Variants in IL1RAPL2 observed in about 807,000 individuals in gnomAD.
The protein encoded by IL1RAPL2 is interleukin 1 receptor accessory protein like 2, also known as X-linked interleukin-1 receptor accessory protein-like 2.
A neutral mutation model predicts 44.1 loss-of-function variants in IL1RAPL2; 3 were observed. That is an observed-to-expected ratio of 0.07 (90% confidence interval 0.03 to 0.18). The LOEUF is 0.18. Ranked by LOEUF, IL1RAPL2 falls within the 10% of genes least tolerant of loss-of-function variation. IL1RAPL2 has a pLI of 1.00. For synonymous variants in IL1RAPL2, 181 were observed against 178.8 expected, an observed-to-expected ratio of 1.01 and a Z score of -0.10; for missense variants, 391 against 496.4, an observed-to-expected ratio of 0.79 and a Z score of 2.02.
At chrX:105,152,121 A>G (rs911192713) in intron 2 of IL1RAPL2, among the ~76,000 whole-genome samples, 2 of 110,839 alleles carry the variant, frequency 1.8e-5, no homozygotes, top group African/African-American at 6.6e-5. Context: ...GTAACCAAAC[A>G]CCACCTGTAC....
chrX:105,039,524 G>C (rs956370340), intron 2 of IL1RAPL2, among the ~76,000 whole-genome samples: 3 of 111,661 alleles, frequency 2.7e-5, no homozygotes, highest in African/African-American at 9.7e-5. Flanking sequence ...GGTATTCCTT[G>C]ATCTTTTAAA....
intron 3 of IL1RAPL2, among the ~76,000 whole-genome samples, chrX:105,226,385 CTTTTTTTTT>C (rs35192051): frequency 1.9e-4 from 10 of 53,328 alleles, no homozygotes; most frequent in African/African-American, 6.7e-4. Flanking sequence ...TTTCTTTTCC[CTTTTTTTTT>C]TTTTTTTTTT....
intron 6 of IL1RAPL2, among the ~76,000 whole-genome samples, chrX:105,539,023 G>GA (rs750271513): frequency 2.7e-5 from 3 of 110,403 alleles, no homozygotes; most frequent in African/African-American, 6.6e-5. Context: ...GAACACTGCT[G>GA]AAAAAAAATC....
chrX:105,542,739 ATT>A (rs1009733174), intron 6 of IL1RAPL2, among the ~76,000 whole-genome samples: 42 of 84,136 alleles, frequency 5.0e-4, no homozygotes, highest in South Asian at 1.5e-3. Context: ...TTAATTTATT[ATT>A]TTTTTTTTTT....
chrX:105,341,524 C>T (rs1297408821), intron 5 of IL1RAPL2, among the ~76,000 whole-genome samples: 1 of 111,728 alleles, frequency 9.0e-6, no homozygotes, highest in Non-Finnish European at 1.9e-5. Flanking sequence ...CATTTAAAAC[C>T]TTTAATCTCT....
chrX:105,031,039 C>G (rs773906049), intron 2 of IL1RAPL2, among the ~76,000 whole-genome samples: 2,443 of 109,805 alleles, frequency 0.022, 70 homozygotes, highest in African/African-American at 0.077. Flanking sequence ...ATTTGGCTCT[C>G]TGTTTGTCTG....
chrX:104,731,157 A>G (rs867092497), intron 2 of IL1RAPL2, among the ~76,000 whole-genome samples: 4 of 109,879 alleles, frequency 3.6e-5, no homozygotes, highest in African/African-American at 1.3e-4. Context: ...ATTTTCTCCC[A>G]TTTTGTAGGT....
Position 104,791,166 on chromosome X carries a change from C to CT in IL1RAPL2, c.82+132172dup, listed in dbSNP as rs1932823902. On this transcript the variant is annotated intron_variant, in intron 2 of 10. Transcript: ENST00000372582. Reference sequence around the variant, plus strand: ...TTCTCTCTCTCTCCCTCTGCCTTGCCTGCCCTGCCTTGCCCTGCCCTTCCC... The same window carrying CT: ...TTCTCTCTCTCTCCCTCTGCCTTGCCTTGCCCTGCCTTGCCCTGCCCTTCCC... Among the ~76,000 whole-genome samples, 3 of 109,158 alleles carry CT rather than the reference C, an allele frequency of 2.7e-5. No homozygotes were observed. In the Admixed American group the frequency reaches 3.0e-4, roughly 11 times the overall value. The allele number at this position is 109,158 out of a possible 115,157, so 94.8% of individuals were successfully genotyped here. A position where few individuals can be genotyped will look rare whatever the true frequency, so the allele number is the denominator to read the frequency against.
intron 2 of IL1RAPL2, among the ~76,000 whole-genome samples, chrX:105,069,475 G>A (rs1459211954): frequency 8.9e-6 from 1 of 112,070 alleles, no homozygotes. Flanking sequence ...GTTTTAGTTT[G>A]ATTCTACGAA....
At chrX:104,782,911 C>A (rs1932781705) in intron 2 of IL1RAPL2, among the ~76,000 whole-genome samples, 1 of 111,911 alleles carries the variant, frequency 8.9e-6, no homozygotes, top group Admixed American at 9.5e-5. Flanking sequence ...TGTGGATTTA[C>A]AGAAGAGAGT....
At position 105,582,000 on chromosome X, in the gene IL1RAPL2, T is replaced by A. The variant is rs762407557; in HGVS notation, c.772+97613T>A. ...GCTTTTGATTTGGGGTGTTAATTTTTGCATTATTAATTTATACTATTTCTG... is the reference window on the plus strand; with the variant it reads ...GCTTTTGATTTGGGGTGTTAATTTTAGCATTATTAATTTATACTATTTCTG... On this transcript the variant is annotated intron_variant, in intron 6 of 10. Transcript: ENST00000372582. Among the ~76,000 whole-genome samples, 262 of 111,657 alleles carry A rather than the reference T, an allele frequency of 2.3e-3. 2 individuals carry two copies. Among genetic ancestry groups the A allele is most frequent in the African/African-American group, 8.2e-3 (254 of 30,879 alleles).
intron 2 of IL1RAPL2, among the ~76,000 whole-genome samples, chrX:104,676,014 C>T (rs1375025384): frequency 9.3e-6 from 1 of 107,290 alleles, no homozygotes; most frequent in Non-Finnish European, 1.9e-5. Flanking sequence ...AGATGGGTTT[C>T]CTGAATTCAG....
intron 5 of IL1RAPL2, among the ~76,000 whole-genome samples, chrX:105,444,121 GT>G (rs2035938993): frequency 9.0e-6 from 1 of 111,722 alleles, no homozygotes; most frequent in Non-Finnish European, 1.9e-5. Flanking sequence ...TCGTATGCCT[GT>G]TTGCCATTTG....
At chrX:105,067,347 A>C (rs2032150507) in intron 2 of IL1RAPL2, among the ~76,000 whole-genome samples, 1 of 111,275 alleles carries the variant, frequency 9.0e-6, no homozygotes, top group Admixed American at 9.5e-5. Flanking sequence ...GTGGAGCCTG[A>C]GCATCTGCAT....
At chrX:104,771,872 T>C (rs1932646258) in intron 2 of IL1RAPL2, among the ~76,000 whole-genome samples, 1 of 111,832 alleles carries the variant, frequency 8.9e-6, no homozygotes, top group South Asian at 3.7e-4. Context: ...AAAAAACTTT[T>C]GAGTGCACAA....
chrX:105,219,968 C>G, intron 3 of IL1RAPL2: 1 of 1,197,357 alleles, frequency 8.4e-7, no homozygotes, highest in Non-Finnish European at 1.1e-6. Context: ...CTCACCTTGT[C>G]TCTCTCTTTC....
At chrX:105,105,635 G>T (rs1569383579) in intron 2 of IL1RAPL2, among the ~76,000 whole-genome samples, 1 of 112,339 alleles carries the variant, frequency 8.9e-6, no homozygotes, top group Non-Finnish European at 1.9e-5. Context: ...GCTAAGGCCA[G>T]ATCTAGGGCT....
intron 10 of IL1RAPL2, among the ~76,000 whole-genome samples, chrX:105,761,230 C>G (rs1331098012): frequency 1.1e-5 from 1 of 93,357 alleles, no homozygotes; most frequent in Non-Finnish European, 2.0e-5. Context: ...TACACACACA[C>G]ACACACACAC....
chrX:105,640,399 T>C (rs2037555466), intron 6 of IL1RAPL2, among the ~76,000 whole-genome samples: 2 of 108,251 alleles, frequency 1.8e-5, no homozygotes, highest in Non-Finnish European at 3.8e-5. Context: ...CTATTTTCTT[T>C]CGTGTGGGAG....
Sources: allele counts gnomAD v4.1 joint callset (sites outside exome capture counted in the v4.1 genomes callset), GRCh38; gene constraint gnomAD v4.1.1; transcripts MANE v1.5; gene names NCBI Gene and HGNC (gene_info 2026-07-23, HGNC 2026-07-21).